Variants in NDUFB7 observed in about 807,000 individuals in gnomAD.
NDUFB7 encodes NADH:ubiquinone oxidoreductase subunit B7.
Under a neutral mutation model 14.7 loss-of-function variants are expected in NDUFB7, and 18 were observed. That is an observed-to-expected ratio of 1.22 (90% confidence interval 0.85 to 1.81). The LOEUF (loss-of-function observed/expected upper bound fraction) is 1.81. NDUFB7 is among the 40% of genes most tolerant of loss of function. NDUFB7 has a pLI of 0.00. For synonymous variants in NDUFB7, 86 were observed against 76.1 expected, an observed-to-expected ratio of 1.13 and a Z score of -0.68; for missense variants, 219 against 195.0, an observed-to-expected ratio of 1.12 and a Z score of -0.73.
At chr19:14,570,614 G>A (rs374757467) in intron 1 of NDUFB7, among the ~76,000 whole-genome samples, 5 of 152,344 alleles carry the variant, frequency 3.3e-5, no homozygotes, top group African/African-American at 1.2e-4. Flanking sequence ...TGGGATTACA[G>A]GCATGAGCCA....
In NDUFB7 at chr19:14,568,483, G is replaced by A. The variant is rs189970928; in HGVS notation, c.113-1550C>T. On this transcript the variant is annotated intron_variant, in intron 1 of 2. Transcript: ENST00000215565. ...TCCCTATCTGCACTTGGAGCTCCAGGTGGCAATCCTAGACTCCTCCCTCTT... is the reference window on the plus strand; with the variant it reads ...TCCCTATCTGCACTTGGAGCTCCAGATGGCAATCCTAGACTCCTCCCTCTT... Among the ~76,000 whole-genome samples the A allele has an allele frequency of 2.5e-3, 382 of 152,280 alleles. 4 individuals are homozygous for A. Among genetic ancestry groups the A allele is most frequent in the Middle Eastern group, 0.01 (3 of 294 alleles).
intron 1 of NDUFB7, among the ~76,000 whole-genome samples, chr19:14,568,033 T>C (rs1319085826): frequency 6.6e-6 from 1 of 152,136 alleles, no homozygotes; most frequent in East Asian, 1.9e-4. Context: ...TACCTTACGC[T>C]TTGTTCTGGG....
intron 1 of NDUFB7, among the ~76,000 whole-genome samples, chr19:14,571,115 G>A (rs2074122609): frequency 6.6e-6 from 1 of 151,648 alleles, no homozygotes; most frequent in Non-Finnish European, 1.5e-5. Context: ...CTGTGATTGT[G>A]CCACTACACT....
chr19:14,566,118 T>G lies in NDUFB7; in HGVS notation c.*15A>C. ...GCTTTTATTTGACTGGTCCATAGGG[T>G]GGGGGGTGCACCCCCTACAGGGCCA... On this transcript the variant is annotated 3_prime_UTR_variant, in exon 3 of 3. Transcript: ENST00000215565. The G allele has an allele frequency of 6.2e-7, 1 of 1,604,484 alleles. No individual in the cohort carries two copies. Among genetic ancestry groups the G allele is most frequent in the Non-Finnish European group, 8.5e-7 (1 of 1,175,390 alleles).
In NDUFB7 at chr19:14,566,617, G is replaced by A. The variant is rs553920982; in HGVS notation, c.281+148C>T. 3.9e-4 allele frequency: 288 copies of A among 737,274 alleles called. No homozygotes were observed. The African/African-American group carries it at 4.8e-3, about 12-fold the overall frequency. The allele number at this position is 737,274 out of a possible 1,614,324, so 45.7% of individuals were successfully genotyped here. A position where few individuals can be genotyped will look rare whatever the true frequency, so the allele number is the denominator to read the frequency against. ...TCCTGCCAGGGGCCAGGCCTGGGTG[G>A]GGTGCAGGCTGTGGGTGTTGGCGGG... On this transcript the variant is annotated intron_variant, in intron 2 of 2. Transcript: ENST00000215565.
At chr19:14,570,583 C>T (rs933841071) in intron 1 of NDUFB7, among the ~76,000 whole-genome samples, 3 of 151,418 alleles carry the variant, frequency 2.0e-5, no homozygotes, top group Non-Finnish European at 2.9e-5. Context: ...GTGATCTGCC[C>T]GCCTTAGCCT....
At chr19:14,570,098 T>C (rs2074116630) in intron 1 of NDUFB7, among the ~76,000 whole-genome samples, 1 of 152,128 alleles carries the variant, frequency 6.6e-6, no homozygotes, top group Non-Finnish European at 1.5e-5. Flanking sequence ...GGTTTCACCA[T>C]GTTGGCCAGG....
Position 14,567,027 on chromosome 19 carries a change from C to T in NDUFB7, c.113-94G>A. The T allele has an allele frequency of 7.5e-7, 1 of 1,334,502 alleles. No homozygotes were observed. The highest frequency in any genetic ancestry group is 1.0e-6 in the Non-Finnish European group (1 of 985,530). 82.7% of individuals were successfully genotyped at this position (1,334,502 alleles called of 1,614,324 possible). On this transcript the variant is annotated intron_variant, in intron 1 of 2. Transcript: ENST00000215565. This position sits in a 1 kb window ranked among gnomAD's most constrained non-coding sequence, Gnocchi z 5.1. ...ACCGAGGCACACGGCTTCAGGAAGGCACGGCTTGGGGTGTCCCCCATTCAC... is the reference window on the plus strand; with the variant it reads ...ACCGAGGCACACGGCTTCAGGAAGGTACGGCTTGGGGTGTCCCCCATTCAC...
In NDUFB7 at chr19:14,568,608, C is replaced by A. The variant is rs114698989; in HGVS notation, c.113-1675G>T. Among the ~76,000 whole-genome samples, 596 of 152,256 alleles carry A rather than the reference C, an allele frequency of 3.9e-3. 2 individuals are homozygous for A. Among genetic ancestry groups the A allele is most frequent in the African/African-American group, 0.014 (574 of 41,562 alleles). ...CAGGCAACACAACACACAAGTGTCCCTGCCCTCAGAGGGAGACACAGAACA... is the reference window on the plus strand; with the variant it reads ...CAGGCAACACAACACACAAGTGTCCATGCCCTCAGAGGGAGACACAGAACA... On this transcript the variant is annotated intron_variant, in intron 1 of 2. Coordinates refer to ENST00000215565, the MANE Select transcript of NDUFB7 (RefSeq NM_004146.6).
At chr19:14,571,780 T>C in intron 1 of NDUFB7, 109 bp downstream of exon 1, 2 of 1,048,592 alleles carry the variant, frequency 1.9e-6, no homozygotes, top group Non-Finnish European at 2.8e-6. Context: ...CAAACCCAGA[T>C]ACAACACCTG....
At position 14,571,992 on chromosome 19, in the gene NDUFB7, G is replaced by A. The variant is rs9543; in HGVS notation, c.9C>T (p.Ala3=). The change falls in exon 1 of 3, where the codon GCC becomes GCT. Residue 3 remains alanine, a synonymous_variant. Transcript: ENST00000215565. ...CGCCCAGGTAGCGCCGGACCAGGTGGGCCCCCATGGCTGCAGTCGCTGCAG... is the reference window on the plus strand; with the variant it reads ...CGCCCAGGTAGCGCCGGACCAGGTGAGCCCCCATGGCTGCAGTCGCTGCAG... MG[A]HLVRRYLGDA... is the part of the protein sequence containing the mutation. 2 of 1,596,866 alleles carry A rather than the reference G, an allele frequency of 1.3e-6. No homozygotes were observed. Among genetic ancestry groups the A allele is most frequent in the South Asian group, 2.3e-5 (2 of 88,786 alleles).
rs2074099651 is a variant in NDUFB7 at position 14,567,563 on chromosome 19, C to T, written c.113-630G>A. ...CCCACTCACCTAGCAAACCTGACTC[C>T]GGACAAATCAACCTTCAGGAGGGGG... On this transcript the variant is annotated intron_variant, in intron 1 of 2. Transcript: ENST00000215565. The surrounding 1 kb of genome is among the most constrained non-coding windows in gnomAD (Gnocchi z 5.1). Among the ~76,000 whole-genome samples the T allele has an allele frequency of 2.0e-5, 3 of 152,138 alleles. No individual in the cohort carries two copies. Among genetic ancestry groups the T allele is most frequent in the Admixed American group, 6.5e-5 (1 of 15,270 alleles).
Position 14,566,932 on chromosome 19 carries a change from C to T in NDUFB7, c.114G>A (p.Glu38=). The T allele has an allele frequency of 6.3e-7, 1 of 1,581,162 alleles. No individual in the cohort carries two copies. The highest frequency in any genetic ancestry group is 1.1e-5 in the South Asian group (1 of 87,574). ...DYGFPERKER[E]MVATQQEMMD... The stretch of plus-strand genomic sequence containing the variant: ...TCATCTCCTGCTGTGTGGCCACCAT[C>T]TCTGCAGGGAGTGGGCGGGGCTCAA... Residue 38 remains glutamate, a splice_region_variant and synonymous_variant, in exon 2 of 3, where the codon GAG becomes GAA. Transcript: ENST00000215565.
In NDUFB7 at chr19:14,566,392, C is replaced by T; in HGVS notation, c.282-127G>A. On this transcript the variant is annotated intron_variant, in intron 2 of 2. Transcript: ENST00000215565. ...CCTCTGAAGAAGACATGTCCGAGTGCCTGTGGCTTGGGTCTGGGGTCTGCC... is the reference window on the plus strand; with the variant it reads ...CCTCTGAAGAAGACATGTCCGAGTGTCTGTGGCTTGGGTCTGGGGTCTGCC... The T allele has an allele frequency of 3.4e-6, 5 of 1,477,360 alleles. No individual in the cohort carries two copies. The South Asian group carries it at 5.0e-5, about 15-fold the overall frequency. 91.5% of individuals were successfully genotyped at this position (1,477,360 alleles called of 1,614,324 possible).
chr19:14,566,694 A>T, intron 2 of NDUFB7, 71 bp downstream of exon 2: 4 of 1,022,076 alleles, frequency 3.9e-6, no homozygotes, highest in Non-Finnish European at 5.0e-6. Context: ...TGGGTGGGCC[A>T]GGGGTGTGGA....
intron 1 of NDUFB7, among the ~76,000 whole-genome samples, chr19:14,571,454 G>A (rs115349611): frequency 0.022 from 3,379 of 151,888 alleles, 53 homozygotes; most frequent in African/African-American, 0.025. Flanking sequence ...AAAAGTAGCT[G>A]GGCATGGTGG....
In NDUFB7 at chr19:14,571,879, T is replaced by G; in HGVS notation, c.112+10A>C. On this transcript the variant is annotated intron_variant, in intron 1 of 2. Transcript: ENST00000215565. ...ACGCCCTCTGGCTGCGCCTGCGCAC[T>G]GGGCCTCACCGCGCTCCTTGCGTTC... 6.2e-7 allele frequency: 1 copy of G among 1,603,264 alleles called. No individual in the cohort carries two copies. The highest frequency in any genetic ancestry group is 8.5e-7 in the Non-Finnish European group (1 of 1,176,024).
At chr19:14,571,758 C>T (rs2074126204) in intron 1 of NDUFB7, 131 bp downstream of exon 1, 2 of 832,976 alleles carry the variant, frequency 2.4e-6, no homozygotes, top group Non-Finnish European at 3.8e-6. Flanking sequence ...CTGTGGACTC[C>T]TAGTCTAGAC....
chr19:14,566,734 G>T, intron 2 of NDUFB7, 31 bp downstream of exon 2: 3 of 1,526,810 alleles, frequency 2.0e-6, no homozygotes, highest in Non-Finnish European at 2.6e-6. Context: ...TTGCGGGCCG[G>T]GGTGTTGGGG....
Sources: allele counts gnomAD v4.1 joint callset (sites outside exome capture counted in the v4.1 genomes callset), GRCh38; gene constraint gnomAD v4.1.1; non-coding constraint Gnocchi (gnomAD v3.1); transcripts MANE v1.5; gene names NCBI Gene and HGNC (gene_info 2026-07-23, HGNC 2026-07-21).